GRM7: variants seen among roughly 807,000 people sequenced by gnomAD.
GRM7 encodes metabotropic glutamate receptor 7.
In GRM7, 35 loss-of-function variants were observed where a neutral mutation model predicts 84.5. The ratio of observed to expected loss-of-function variants is 0.41; its 90% CI spans 0.32 to 0.55. The LOEUF is 0.55. GRM7 is among the 20% of genes least tolerant of loss of function. The pLI is 0.19. For synonymous variants in GRM7, 487 were observed against 455.1 expected (o/e 1.07, Z -0.89); for missense variants, 1,003 against 1,194.6 (o/e 0.84, Z 2.36).
intron 1 of GRM7, among the ~76,000 whole-genome samples, chr3:7,020,027 A>G (rs540488677): frequency 1.3e-5 from 2 of 152,238 alleles, no homozygotes; most frequent in South Asian, 4.1e-4. Flanking sequence ...TAATTTTTGT[A>G]CTATTAGAGA....
chr3:7,040,308 C>T (rs1025181704), intron 1 of GRM7, among the ~76,000 whole-genome samples: 2 of 146,578 alleles, frequency 1.4e-5, no homozygotes, highest in Non-Finnish European at 3.0e-5. Context: ...TCTGTAAACT[C>T]TTTTTTTTTT....
intron 2 of GRM7, among the ~76,000 whole-genome samples, chr3:7,210,964 C>T (rs17046983): frequency 0.013 from 1,929 of 152,244 alleles, 38 homozygotes; most frequent in African/African-American, 0.042. Flanking sequence ...GTCTCTATCC[C>T]TGGTGGTGCT....
At position 7,112,780 on chromosome 3, in the gene GRM7, T is replaced by C. The variant is rs144397412; in HGVS notation, c.520-33672T>C. 3.1e-4 allele frequency among the ~76,000 whole-genome samples: 47 copies of C among 152,312 alleles called. No homozygotes were observed. The East Asian group carries it at 8.9e-3, about 29-fold the overall frequency. ...GTGCTACCAGCTTCAGGAGAAATTT[T>C]CCTATCCCTCAGAATAGAAGAAAGG... On this transcript the variant is annotated intron_variant, in intron 1 of 9. Transcript: ENST00000357716.
rs564712912 is a variant in GRM7 at position 7,390,489 on chromosome 3, T to C, written c.1034-24534T>C. 2.6e-5 allele frequency among the ~76,000 whole-genome samples: 4 copies of C among 152,264 alleles called. No individual in the cohort carries two copies. The South Asian group carries it at 8.3e-4, about 32-fold the overall frequency. On this transcript the variant is annotated intron_variant, in intron 4 of 9. Transcript: ENST00000357716. ...TCAGGAATGCCAATAAATCATAGAT[T>C]CGGTCACCTTATATAATTTTATATT...
At chr3:7,519,030 C>T (rs998932189) in intron 7 of GRM7, among the ~76,000 whole-genome samples, 1 of 152,180 alleles carries the variant, frequency 6.6e-6, no homozygotes, top group African/African-American at 2.4e-5. Flanking sequence ...TTATTCTCCC[C>T]TCAATTTTGC....
intron 1 of GRM7, among the ~76,000 whole-genome samples, chr3:7,118,397 G>A (rs1693112230): frequency 1.3e-5 from 2 of 150,738 alleles, no homozygotes; most frequent in African/African-American, 4.9e-5. Flanking sequence ...CTCAAAATAT[G>A]TAAGTATAAA....
intron 7 of GRM7, among the ~76,000 whole-genome samples, chr3:7,538,488 A>C (rs184232315): frequency 6.6e-6 from 1 of 152,334 alleles, no homozygotes; most frequent in African/African-American, 2.4e-5. Flanking sequence ...ACAAACAACC[A>C]TACCAGGCCA....
chr3:7,238,996 C>CTTTTTTTTTT (rs567509392), intron 2 of GRM7, among the ~76,000 whole-genome samples: 1 of 118,354 alleles, frequency 8.4e-6, no homozygotes, highest in African/African-American at 3.3e-5. Flanking sequence ...TTTCTTTTTT[C>CTTTTTTTTTT]CTTTTTCTTT....
At chr3:7,525,216 GTAAC>G (rs1487358934) in intron 7 of GRM7, among the ~76,000 whole-genome samples, 1 of 151,934 alleles carries the variant, frequency 6.6e-6, no homozygotes, top group African/African-American at 2.4e-5. Context: ...GTATACATAT[GTAAC>G]TAACCTGGAC....
chr3:7,051,706 A>C (rs920496488), intron 1 of GRM7, among the ~76,000 whole-genome samples: 14 of 151,804 alleles, frequency 9.2e-5, no homozygotes, highest in Non-Finnish European at 1.5e-4. Context: ...TTAGAGATCT[A>C]AATGAAGTCA....
At chr3:7,044,923 C>T (rs979287972) in intron 1 of GRM7, among the ~76,000 whole-genome samples, 3 of 152,096 alleles carry the variant, frequency 2.0e-5, no homozygotes, top group Non-Finnish European at 2.9e-5. Context: ...TTTTAAATTG[C>T]TATTTTTTGA....
At chr3:6,981,875 C>T (rs903320706) in intron 1 of GRM7, among the ~76,000 whole-genome samples, 2 of 152,056 alleles carry the variant, frequency 1.3e-5, no homozygotes, top group Non-Finnish European at 2.9e-5. Context: ...GTTCAGCCAC[C>T]GTGGAAAGCA....
chr3:7,270,942 G>C (rs1054542811), intron 2 of GRM7, among the ~76,000 whole-genome samples: 2 of 152,122 alleles, frequency 1.3e-5, no homozygotes, highest in African/African-American at 4.8e-5. Context: ...TCTCAACAAT[G>C]ACCTAGTTGT....
intron 9 of GRM7, among the ~76,000 whole-genome samples, chr3:7,718,747 T>C (rs777252072): frequency 2.6e-5 from 4 of 152,180 alleles, no homozygotes; most frequent in Non-Finnish European, 4.4e-5. Context: ...GTTGACATAT[T>C]GGCCTCCAGG....
intron 1 of GRM7, among the ~76,000 whole-genome samples, chr3:7,068,383 CA>C (rs1559418191): frequency 6.6e-6 from 1 of 151,876 alleles, no homozygotes; most frequent in Non-Finnish European, 1.5e-5. Flanking sequence ...CTGTTTTGCT[CA>C]GGTCAATAAA....
At chr3:7,703,666 G>A (rs1258656046) in intron 9 of GRM7, among the ~76,000 whole-genome samples, 2 of 152,118 alleles carry the variant, frequency 1.3e-5, no homozygotes, top group East Asian at 3.9e-4. Context: ...TTTCCCATTT[G>A]CTTACTAGGC....
intron 4 of GRM7, among the ~76,000 whole-genome samples, chr3:7,392,930 G>T (rs952348720): frequency 1.3e-5 from 2 of 152,058 alleles, no homozygotes; most frequent in African/African-American, 4.8e-5. Context: ...TTTCCACATG[G>T]GTCCTTGGCT....
chr3:7,332,024 A>G (rs1321171136), intron 4 of GRM7, among the ~76,000 whole-genome samples: 1 of 152,184 alleles, frequency 6.6e-6, no homozygotes, highest in Non-Finnish European at 1.5e-5. Flanking sequence ...GAAACGGTCA[A>G]GTTATAGGTA....
chr3:7,368,591 T>G (rs2125114467), intron 4 of GRM7, among the ~76,000 whole-genome samples: 1 of 152,282 alleles, frequency 6.6e-6, no homozygotes, highest in African/African-American at 2.4e-5. Flanking sequence ...ATGGTATTCC[T>G]TAGGGAGCTG....
Sources: allele counts gnomAD v4.1 joint callset (sites outside exome capture counted in the v4.1 genomes callset), GRCh38; gene constraint gnomAD v4.1.1; transcripts MANE v1.5; gene names NCBI Gene and HGNC (gene_info 2026-07-23, HGNC 2026-07-21).